The following KIAA0825 variants were observed in gnomAD, a reference collection of about 807,000 sequenced individuals.
KIAA0825 encodes uncharacterized protein KIAA0825.
Under a neutral mutation model 147.6 loss-of-function variants are expected in KIAA0825, and 119 were observed. The ratio of observed to expected loss-of-function variants is 0.81; its 90% CI spans 0.69 to 0.94. The LOEUF (loss-of-function observed/expected upper bound fraction) is 0.94, where lower values mean the gene tolerates loss of function less well. Ranked by LOEUF, KIAA0825 falls within the 40% of genes least tolerant of loss-of-function variation. The pLI is 0.00. For missense variants in KIAA0825, 1,381 were observed against 1,472.7 expected (o/e 0.94, Z 1.02); for synonymous variants, 470 against 518.1 (o/e 0.91, Z 1.26).
At chr5:94,572,915 G>T (rs1780240104) in intron 2 of KIAA0825, among the ~76,000 whole-genome samples, 1 of 152,184 alleles carries the variant, frequency 6.6e-6, no homozygotes, top group Non-Finnish European at 1.5e-5. Context: ...ATCAAACTCT[G>T]TAAAACATTT....
At chr5:94,332,446 A>G (rs1441018833) in intron 20 of KIAA0825, among the ~76,000 whole-genome samples, 2 of 152,018 alleles carry the variant, frequency 1.3e-5, no homozygotes, top group Non-Finnish European at 2.9e-5. Flanking sequence ...TCATTGTTCA[A>G]CTTCCACTTA....
intron 20 of KIAA0825, among the ~76,000 whole-genome samples, chr5:94,262,717 T>C (rs1776556532): frequency 6.6e-6 from 1 of 152,136 alleles, no homozygotes; most frequent in South Asian, 2.1e-4. Flanking sequence ...TAAAAACGTA[T>C]ATGTTTGTGT....
intron 2 of KIAA0825, 72 bp from the exon 3 acceptor site, chr5:94,537,199 T>G: frequency 8.1e-7 from 1 of 1,235,574 alleles, no homozygotes; most frequent in Non-Finnish European, 1.1e-6. Context: ...TGGGCAGAAA[T>G]TCACCTCAAG....
chr5:94,455,479 A>T (rs1584541356), intron 12 of KIAA0825, among the ~76,000 whole-genome samples: 1 of 152,288 alleles, frequency 6.6e-6, no homozygotes, highest in East Asian at 1.9e-4. Context: ...GTATAAAAGT[A>T]GACAATGAAT....
At chr5:94,168,106 C>T (rs1768229991) in intron 20 of KIAA0825, among the ~76,000 whole-genome samples, 1 of 150,874 alleles carries the variant, frequency 6.6e-6, no homozygotes. Context: ...TTTTAAAATA[C>T]ATAGAAATAC....
rs1469714509 is a variant in KIAA0825 at position 94,426,383 on chromosome 5, TAATAA to T, written c.2498-9023_2498-9019del. 1.2e-4 allele frequency among the ~76,000 whole-genome samples: 18 copies of T among 152,220 alleles called. 1 individual carries two copies. In the East Asian group the frequency reaches 3.5e-3, roughly 29 times the overall value. ...ATGGAATACTATTGAGCCATAAAAATAATAAAATCACGTCATTGGCTGCAACATGG... is the reference window on the plus strand; with the variant it reads ...ATGGAATACTATTGAGCCATAAAAATAATCACGTCATTGGCTGCAACATGG... On this transcript the variant is annotated intron_variant, in intron 14 of 20. Transcript: ENST00000682413.
At chr5:94,288,355 C>A (rs1777743902) in intron 20 of KIAA0825, among the ~76,000 whole-genome samples, 1 of 151,876 alleles carries the variant, frequency 6.6e-6, no homozygotes, top group Admixed American at 6.6e-5. Flanking sequence ...AGTATTGGAG[C>A]CATTTTTAAG....
chr5:94,474,172 G>A (rs941447376), intron 7 of KIAA0825, among the ~76,000 whole-genome samples: 1 of 152,092 alleles, frequency 6.6e-6, no homozygotes, highest in African/African-American at 2.4e-5. Context: ...TATTGTGGTG[G>A]TTGGGGGGGT....
chr5:94,594,791 A>T, intron 1 of KIAA0825: 1 of 524,740 alleles, frequency 1.9e-6, no homozygotes, highest in Non-Finnish European at 3.7e-6. Flanking sequence ...TCGAATCATG[A>T]TTGTAGTTTT....
intron 20 of KIAA0825, among the ~76,000 whole-genome samples, chr5:94,189,298 T>C (rs996468149): frequency 6.6e-6 from 1 of 152,168 alleles, no homozygotes; most frequent in Admixed American, 6.5e-5. Context: ...CATTTCTCTT[T>C]TCACAGTTTT....
At chr5:94,340,501 T>C (rs1327319078) in intron 20 of KIAA0825, among the ~76,000 whole-genome samples, 1 of 152,188 alleles carries the variant, frequency 6.6e-6, no homozygotes, top group Non-Finnish European at 1.5e-5. Context: ...AAAATGTTCA[T>C]ATTCATACGT....
At chr5:94,371,460 G>A (rs372745362) in intron 20 of KIAA0825, among the ~76,000 whole-genome samples, 34 of 152,280 alleles carry the variant, frequency 2.2e-4, no homozygotes, top group East Asian at 2.1e-3. Flanking sequence ...GGGCTGGGGA[G>A]GCCTCAGGAA....
intron 20 of KIAA0825, among the ~76,000 whole-genome samples, chr5:94,177,774 T>C (rs747212959): frequency 8.5e-5 from 13 of 152,124 alleles, no homozygotes; most frequent in Middle Eastern, 3.2e-3. Flanking sequence ...TAAAACATTG[T>C]AGAACAGATA....
chr5:94,376,560 A>G (rs570094712), intron 20 of KIAA0825, among the ~76,000 whole-genome samples: 1 of 152,344 alleles, frequency 6.6e-6, no homozygotes, highest in South Asian at 2.1e-4. Flanking sequence ...TCTGAGGATC[A>G]GATTGTCAAA....
intron 20 of KIAA0825, among the ~76,000 whole-genome samples, chr5:94,183,149 A>C (rs767481651): frequency 2.6e-5 from 4 of 152,178 alleles, no homozygotes; most frequent in Non-Finnish European, 5.9e-5. Context: ...TCTTTACACT[A>C]TTCCTCATCA....
rs371001404 is a variant in KIAA0825, at chr5:94,528,788, CT to C, written c.132-4691del. ...CAATCAAGAATAAGTAAATGTGCTC[CT>C]TTTTTTTTTTTAAATCTATAAAGGC... On this transcript the variant is annotated intron_variant, in intron 3 of 20. Transcript: ENST00000682413. Among the ~76,000 whole-genome samples, 270 of 146,162 alleles carry C rather than the reference CT, an allele frequency of 1.8e-3. 1 individual carries two copies. The highest frequency in any genetic ancestry group is 2.1e-3 in the Non-Finnish European group (139 of 66,046).
chr5:94,386,476 A>T, intron 18 of KIAA0825, 72 bp from the exon 19 acceptor site: 1 of 1,179,082 alleles, frequency 8.5e-7, no homozygotes, highest in Non-Finnish European at 1.2e-6. Context: ...ACTGATCAAT[A>T]TCCAAATTTA....
chr5:94,385,644 C>T (rs1038042618), intron 19 of KIAA0825, among the ~76,000 whole-genome samples: 4 of 152,166 alleles, frequency 2.6e-5, no homozygotes, highest in African/African-American at 9.7e-5. Flanking sequence ...ACTACTGAAA[C>T]ATGCGGCTTA....
Position 94,329,753 on chromosome 5 carries a change from T to G in KIAA0825, c.3710+54615A>C, listed in dbSNP as rs150391837. Among the ~76,000 whole-genome samples, 73 of 152,198 alleles carry G rather than the reference T, an allele frequency of 4.8e-4. No homozygotes were observed. In the East Asian group the frequency reaches 0.014, roughly 28 times the overall value. On this transcript the variant is annotated intron_variant, in intron 20 of 20. Transcript: ENST00000682413. Reference sequence around the variant, plus strand: ...TCCTTAATTTTTTCCCTCCCCCCCTTTTTTTATTTTGCCCTACAGTATGTT... The same window carrying G: ...TCCTTAATTTTTTCCCTCCCCCCCTGTTTTTATTTTGCCCTACAGTATGTT...
Sources: gnomAD v4.1 joint callset for allele counts (sites outside exome capture counted in the v4.1 genomes callset) on GRCh38, gnomAD v4.1.1 for gene constraint, MANE v1.5 for transcripts, NCBI Gene and HGNC (gene_info 2026-07-23, HGNC 2026-07-21) for gene names.